The following PRR5L variants were observed in gnomAD, a reference collection of about 807,000 sequenced individuals.
PRR5L encodes proline-rich protein 5-like.
PRR5L carries 21 observed loss-of-function variants against 36.4 expected under a neutral mutation model. The ratio of observed to expected loss-of-function variants is 0.58; its 90% confidence interval spans 0.41 to 0.83. PRR5L has a LOEUF of 0.83. Ranked by LOEUF, PRR5L falls within the 40% of genes least tolerant of loss-of-function variation. The pLI is 0.00. For missense variants in PRR5L, 381 were observed against 473.3 expected (o/e 0.80, Z 1.81); for synonymous variants, 188 against 197.0 (o/e 0.95, Z 0.38).
chr11:36,349,210 C>T (rs1004033550), intron 1 of PRR5L, among the ~76,000 whole-genome samples: 6 of 144,120 alleles, frequency 4.2e-5, no homozygotes, highest in Non-Finnish European at 7.4e-5. Context: ...CTTGAACCCG[C>T]GAGGCGGAGG....
intron 3 of PRR5L, among the ~76,000 whole-genome samples, chr11:36,406,672 G>T (rs1481883199): frequency 6.6e-6 from 1 of 152,188 alleles, no homozygotes; most frequent in Non-Finnish European, 1.5e-5. Context: ...AGACTTGTTT[G>T]CAGAACAGAT....
At chr11:36,446,077 C>A (rs562431981) in intron 6 of PRR5L, among the ~76,000 whole-genome samples, 1 of 152,240 alleles carries the variant, frequency 6.6e-6, no homozygotes, top group African/African-American at 2.4e-5. Context: ...CTTGTATTGT[C>A]TTTCGGTCAT....
chr11:36,330,828 T>C (rs1856711185), intron 1 of PRR5L, among the ~76,000 whole-genome samples: 1 of 152,188 alleles, frequency 6.6e-6, no homozygotes, highest in African/African-American at 2.4e-5. Context: ...TTTTTTGAGA[T>C]GGAGTTTCAC....
Position 36,465,026 on chromosome 11 carries a change from TGAG to T in PRR5L, c.*2292_*2294del, listed in dbSNP as rs1211703622. 2 of 152,216 alleles carry T rather than the reference TGAG, an allele frequency of 1.3e-5. No homozygotes were observed. The highest frequency in any genetic ancestry group is 1.3e-4 in the Admixed American group (2 of 15,292). The allele number at this position is 152,216 out of a possible 1,614,324, so 9.4% of individuals were successfully genotyped here. On this transcript the variant is annotated 3_prime_UTR_variant, in exon 9 of 9. Transcript: ENST00000530639. ...ATCAGAGAGCTATTGGAGTGAGAGCTGAGGTGTCCTTAACCACTTTTTCTCTCC... is the reference window on the plus strand; with the variant it reads ...ATCAGAGAGCTATTGGAGTGAGAGCTGTGTCCTTAACCACTTTTTCTCTCC...
chr11:36,437,860 G>A (rs1035993731), intron 6 of PRR5L, among the ~76,000 whole-genome samples: 2 of 151,862 alleles, frequency 1.3e-5, no homozygotes, highest in African/African-American at 2.4e-5. Flanking sequence ...TTTTTGTGAA[G>A]CATAATTTTA....
At chr11:36,447,523 T>C (rs1858855978) in intron 7 of PRR5L, among the ~76,000 whole-genome samples, 1 of 152,230 alleles carries the variant, frequency 6.6e-6, no homozygotes, top group Admixed American at 6.5e-5. Flanking sequence ...AGGTGACTAC[T>C]ATGCCTCTTC....
chr11:36,414,222 T>C lies in PRR5L; in HGVS notation c.246-5033T>C, dbSNP rs532886228. On this transcript the variant is annotated intron_variant, in intron 3 of 8. Transcript: ENST00000530639. ...AGCATGATTTATAGTCCTTTGGGTA[T>C]ATACCCAGTAATGGGATGGCTGGGT... is the stretch of plus-strand genomic sequence containing the variant. 4.4e-3 allele frequency among the ~76,000 whole-genome samples: 666 copies of C among 151,636 alleles called. 4 individuals carry two copies. Among genetic ancestry groups the C allele is most frequent in the African/African-American group, 0.015 (634 of 41,204 alleles).
chr11:36,306,628 A>G lies in PRR5L; in HGVS notation c.-126+10190A>G, dbSNP rs578033285. Reference sequence around the variant, plus strand: ...AATTGCTGAGTGAAAGGGGAGGTGCATTATTATTATTTTTTAATGATCTTG... The same window carrying G: ...AATTGCTGAGTGAAAGGGGAGGTGCGTTATTATTATTTTTTAATGATCTTG... On this transcript the variant is annotated intron_variant, in intron 1 of 8. Transcript: ENST00000530639. 1.1e-4 allele frequency among the ~76,000 whole-genome samples: 16 copies of G among 152,188 alleles called. 1 individual carries two copies. Among genetic ancestry groups the G allele is most frequent in the Non-Finnish European group, 2.9e-5 (2 of 68,004 alleles).
At chr11:36,390,387 T>C (rs1857542370) in intron 1 of PRR5L, among the ~76,000 whole-genome samples, 1 of 152,214 alleles carries the variant, frequency 6.6e-6, no homozygotes, top group Non-Finnish European at 1.5e-5. Flanking sequence ...GAAGTGAGCC[T>C]GTGAGGATGG....
intron 1 of PRR5L, among the ~76,000 whole-genome samples, chr11:36,310,095 G>A (rs1000701845): frequency 9.8e-6 from 1 of 101,846 alleles, no homozygotes. Flanking sequence ...TTGACATAAT[G>A]CTGGGCTTCT....
intron 3 of PRR5L, among the ~76,000 whole-genome samples, chr11:36,404,052 T>G (rs1223922444): frequency 6.6e-6 from 1 of 152,190 alleles, no homozygotes; most frequent in Non-Finnish European, 1.5e-5. Flanking sequence ...GGAAATTACC[T>G]AGGTGAACAG....
chr11:36,342,340 G>T (rs927006304), intron 1 of PRR5L, among the ~76,000 whole-genome samples: 1 of 152,120 alleles, frequency 6.6e-6, no homozygotes, highest in Non-Finnish European at 1.5e-5. Context: ...AGGGCAGACG[G>T]GGGCGAAATA....
intron 1 of PRR5L, among the ~76,000 whole-genome samples, chr11:36,387,692 C>A (rs143125889): frequency 1.3e-5 from 2 of 152,228 alleles, no homozygotes; most frequent in Non-Finnish European, 2.9e-5. Flanking sequence ...AGTCAGCAGA[C>A]CCAGAGAAGT....
chr11:36,297,823 C>T (rs942738529), intron 1 of PRR5L, among the ~76,000 whole-genome samples: 3 of 152,180 alleles, frequency 2.0e-5, no homozygotes, highest in Non-Finnish European at 4.4e-5. Flanking sequence ...CTGTGGTTGG[C>T]TTCTCATTTC....
chr11:36,388,981 A>G (rs556051494), intron 1 of PRR5L, among the ~76,000 whole-genome samples: 13 of 151,056 alleles, frequency 8.6e-5, no homozygotes, highest in South Asian at 6.3e-4. Context: ...TTACAGGCGT[A>G]AGCCACCACG....
At chr11:36,448,449 G>C (rs999717984) in intron 7 of PRR5L, among the ~76,000 whole-genome samples, 2 of 152,068 alleles carry the variant, frequency 1.3e-5, no homozygotes, top group African/African-American at 4.8e-5. Flanking sequence ...GGCTGCCGTG[G>C]GATCTTTGTG....
At chr11:36,358,627 G>T (rs774356074) in intron 1 of PRR5L, among the ~76,000 whole-genome samples, 2 of 152,092 alleles carry the variant, frequency 1.3e-5, no homozygotes, top group Non-Finnish European at 2.9e-5. Context: ...TCACTTTATT[G>T]CTATGGTCTG....
intron 1 of PRR5L, among the ~76,000 whole-genome samples, chr11:36,302,794 T>TA (rs1856391000): frequency 6.6e-6 from 1 of 151,530 alleles, no homozygotes; most frequent in Non-Finnish European, 1.5e-5. Context: ...TGTCTCAAAA[T>TA]AAAAATAAAA....
rs530358501 is a variant in PRR5L at position 36,418,402 on chromosome 11, G to A, written c.246-853G>A. On this transcript the variant is annotated intron_variant, in intron 3 of 8. Coordinates refer to ENST00000530639, the MANE Select transcript of PRR5L (RefSeq NM_001160167.2). ...GAGACAGGGTGGAGTTATGGGAAAA[G>A]ATGTTGAATTTGCAGAAAGTCTGGG... Among the ~76,000 whole-genome samples the A allele has an allele frequency of 4.6e-5, 7 of 152,282 alleles. No individual in the cohort carries two copies. The East Asian group carries it at 1.2e-3, about 25-fold the overall frequency.
Sources: allele counts gnomAD v4.1 joint callset (sites outside exome capture counted in the v4.1 genomes callset), GRCh38; gene constraint gnomAD v4.1.1; transcripts MANE v1.5; gene names NCBI Gene and HGNC (gene_info 2026-07-23, HGNC 2026-07-21).